Variants in SMG6 observed in about 807,000 individuals in gnomAD.
The protein encoded by SMG6 is SMG6 nonsense mediated mRNA decay factor.
SMG6 carries 66 observed loss-of-function variants against 142.2 expected under a neutral mutation model. The observed-to-expected ratio is 0.46, with a 90% CI of 0.38 to 0.57. The LOEUF is 0.57. Among genes scored for constraint, SMG6 ranks in the 20% least tolerant of loss-of-function variants. The pLI is 0.00. For missense variants in SMG6, 1,793 were observed against 1,832.0 expected, an observed-to-expected ratio of 0.98 and a Z score of 0.39; for synonymous variants, 779 against 702.4, an observed-to-expected ratio of 1.11 and a Z score of -1.72.
chr17:2,072,925 AG>A (rs1274019463), intron 15 of SMG6: 2 of 152,258 alleles, frequency 1.3e-5, no homozygotes, highest in East Asian at 3.8e-4. Flanking sequence ...GACACATATT[AG>A]TAACTCAATA....
At chr17:2,198,950 T>TAAAAAAAAAAAAAAAAA (rs55660022) in intron 10 of SMG6, among the ~76,000 whole-genome samples, 1 of 102,152 alleles carries the variant, frequency 9.8e-6, no homozygotes, top group Non-Finnish European at 2.0e-5. Flanking sequence ...AAAATAAAAT[T>TAAAAAAAAAAAAAAAAA]AAAAAAAAAA....
intron 10 of SMG6, 43 bp from the exon 11 acceptor site, chr17:2,188,558 A>C (rs763597523): frequency 3.9e-6 from 6 of 1,550,468 alleles, no homozygotes; most frequent in Non-Finnish European, 5.3e-6. Flanking sequence ...CAGGCGGACA[A>C]GATGCACATC....
chr17:2,127,851 A>C (rs1277875636), intron 13 of SMG6: 1 of 554,444 alleles, frequency 1.8e-6, no homozygotes, highest in Non-Finnish European at 3.6e-6. Flanking sequence ...TTATTTGCTG[A>C]AGAGCGATCT....
chr17:2,229,310 C>T (rs138541408), intron 10 of SMG6: 1 of 152,336 alleles, frequency 6.6e-6, no homozygotes, highest in African/African-American at 2.4e-5. Context: ...CTGACTTACC[C>T]CAACTCTCTT....
At chr17:2,258,060 CACACACAT>C (rs1567724498) in intron 8 of SMG6, among the ~76,000 whole-genome samples, 2 of 95,500 alleles carry the variant, frequency 2.1e-5, no homozygotes, top group African/African-American at 6.8e-5. Context: ...CACACACACA[CACACACAT>C]ATATATACAT....
intron 13 of SMG6, chr17:2,088,737 G>A: frequency 1.0e-6 from 1 of 985,376 alleles, no homozygotes; most frequent in Non-Finnish European, 1.2e-6. Context: ...TTTAGTAGAT[G>A]GAGAAACTGA....
intron 8 of SMG6, among the ~76,000 whole-genome samples, chr17:2,255,200 C>T (rs1203040973): frequency 2.0e-5 from 3 of 151,018 alleles, no homozygotes; most frequent in Admixed American, 6.6e-5. Context: ...GTCAGGAGAT[C>T]GAGACCATCC....
At chr17:2,182,942 T>C (rs2151677834) in intron 12 of SMG6, among the ~76,000 whole-genome samples, 1 of 151,728 alleles carries the variant, frequency 6.6e-6, no homozygotes, top group African/African-American at 2.4e-5. Context: ...ACAGAGACAC[T>C]AAGGAAGAGT....
intron 13 of SMG6, among the ~76,000 whole-genome samples, chr17:2,104,077 GAGT>G (rs2069086455): frequency 6.6e-6 from 1 of 151,240 alleles, no homozygotes; most frequent in Non-Finnish European, 1.5e-5. Context: ...TCAGCCTCCC[GAGT>G]AGCTGGGACT....
chr17:2,066,130 C>A (rs1045685414), intron 16 of SMG6: 20 of 175,018 alleles, frequency 1.1e-4, no homozygotes, highest in South Asian at 6.6e-4. Context: ...CCCAGCCCCA[C>A]TGGTGGAGTG....
At chr17:2,136,729 C>CG (rs1463825860) in intron 13 of SMG6, among the ~76,000 whole-genome samples, 1 of 141,954 alleles carries the variant, frequency 7.0e-6, no homozygotes, top group Non-Finnish European at 1.5e-5. Context: ...CCTTTTTTTC[C>CG]TTTTTTTTTT....
At chr17:2,234,480 C>G (rs997571168) in intron 10 of SMG6, among the ~76,000 whole-genome samples, 1 of 151,808 alleles carries the variant, frequency 6.6e-6, no homozygotes, top group African/African-American at 2.4e-5. Context: ...CCAGGCTGGT[C>G]TCAATCTCCT....
At chr17:2,115,576 T>C (rs900942428) in intron 13 of SMG6, among the ~76,000 whole-genome samples, 7 of 152,314 alleles carry the variant, frequency 4.6e-5, no homozygotes, top group African/African-American at 9.6e-5. Context: ...CATGGCATCA[T>C]TGCAGTTCAG....
chr17:2,136,392 C>T (rs548891922), intron 13 of SMG6, among the ~76,000 whole-genome samples: 1 of 152,296 alleles, frequency 6.6e-6, no homozygotes, highest in South Asian at 2.1e-4. Flanking sequence ...CAGTCAACCA[C>T]ACAGTGAGCT....
At chr17:2,173,114 T>C (rs577859036) in intron 12 of SMG6, 2 of 493,816 alleles carry the variant, frequency 4.1e-6, no homozygotes, top group East Asian at 7.4e-5. Flanking sequence ...GGAAAAAGAA[T>C]TTGGAGACTC....
chr17:2,236,719 A>T (rs950997079), intron 9 of SMG6, 82 bp from the exon 10 acceptor site: 74 of 1,077,730 alleles, frequency 6.9e-5, no homozygotes, highest in African/African-American at 4.9e-4. Context: ...ACACACACAC[A>T]CACACACACA....
chr17:2,173,223 T>G, intron 12 of SMG6: 1 of 282,458 alleles, frequency 3.5e-6, no homozygotes, highest in Non-Finnish European at 6.9e-6. Flanking sequence ...GCTCCCAGAA[T>G]TCCCCACTGC....
intron 13 of SMG6, among the ~76,000 whole-genome samples, chr17:2,091,111 C>A (rs980394985): frequency 6.6e-6 from 1 of 152,200 alleles, no homozygotes; most frequent in Non-Finnish European, 1.5e-5. Flanking sequence ...ACTACTCACC[C>A]TCAGAGGAAA....
chr17:2,148,979 A>G (rs2070748070), intron 13 of SMG6, among the ~76,000 whole-genome samples: 1 of 152,080 alleles, frequency 6.6e-6, no homozygotes. Flanking sequence ...AAGATGAAAA[A>G]GCTCTAGAGA....
Sources: gnomAD v4.1 joint callset for allele counts (sites outside exome capture counted in the v4.1 genomes callset) on GRCh38, gnomAD v4.1.1 for gene constraint, MANE v1.5 for transcripts, NCBI Gene and HGNC (gene_info 2026-07-23, HGNC 2026-07-21) for gene names.